The following TOM1L2 variants were observed in gnomAD, a reference collection of about 807,000 sequenced individuals.
TOM1L2 encodes TOM1-like protein 2.
A neutral mutation model predicts 67.9 loss-of-function variants in TOM1L2; 31 were observed. The ratio of observed to expected loss-of-function variants is 0.46; its 90% CI spans 0.34 to 0.62. TOM1L2 has a LOEUF of 0.62. TOM1L2 is among the 20% of genes least tolerant of loss of function. The pLI, the probability that TOM1L2 is intolerant of heterozygous loss-of-function variation, is 0.01. For synonymous variants in TOM1L2, 256 were observed against 254.0 expected (o/e 1.01, Z -0.07); for missense variants, 606 against 663.5 (o/e 0.91, Z 0.95).
At chr17:17,955,490 C>T (rs567005190) in intron 1 of TOM1L2, among the ~76,000 whole-genome samples, 2 of 152,256 alleles carry the variant, frequency 1.3e-5, no homozygotes, top group South Asian at 2.1e-4. Context: ...AGGCACACGC[C>T]ACCAAGCCCA....
At chr17:17,938,769 T>G (rs549651399) in intron 1 of TOM1L2, among the ~76,000 whole-genome samples, 64 of 151,514 alleles carry the variant, frequency 4.2e-4, no homozygotes, top group African/African-American at 1.4e-3. Context: ...TGAAAGGGTT[T>G]TTTTTTTTTT....
intron 12 of TOM1L2, chr17:17,857,875 GC>G (rs887478996): frequency 6.5e-7 from 1 of 1,532,722 alleles, no homozygotes; most frequent in African/African-American, 1.4e-5. Flanking sequence ...AAAAGTCACA[GC>G]AAGACCCATG....
chr17:17,860,420 T>G (rs1235917092), intron 12 of TOM1L2, among the ~76,000 whole-genome samples: 1 of 152,192 alleles, frequency 6.6e-6, no homozygotes, highest in Non-Finnish European at 1.5e-5. Flanking sequence ...GAGGGATGCA[T>G]GCCCTCAGAT....
chr17:17,850,850 C>T (rs1214570214), intron 13 of TOM1L2, 43 bp downstream of exon 13: 2 of 1,606,648 alleles, frequency 1.2e-6, no homozygotes, highest in Non-Finnish European at 1.7e-6. Flanking sequence ...AGAGCCTCTG[C>T]CGCTCCACAC....
chr17:17,861,924 T>C (rs141524395), intron 11 of TOM1L2: 43 of 172,132 alleles, frequency 2.5e-4, no homozygotes, highest in African/African-American at 8.3e-4. Context: ...CTTATTTTAT[T>C]AGCAGCAGCC....
chr17:17,922,073 C>T (rs1003583126), intron 1 of TOM1L2, among the ~76,000 whole-genome samples: 1 of 152,154 alleles, frequency 6.6e-6, no homozygotes, highest in Admixed American at 6.5e-5. Context: ...TGAGGCCTCT[C>T]CCTGCCAGAC....
chr17:17,923,519 AC>A (rs2039963649), intron 1 of TOM1L2, among the ~76,000 whole-genome samples: 2 of 151,548 alleles, frequency 1.3e-5, no homozygotes, highest in South Asian at 4.2e-4. Context: ...CCCTGTCTCT[AC>A]AAAAAAAAAT....
intron 1 of TOM1L2, among the ~76,000 whole-genome samples, chr17:17,960,354 C>T (rs920077883): frequency 6.6e-6 from 1 of 151,936 alleles, no homozygotes; most frequent in Admixed American, 6.6e-5. Context: ...TTTTCTGAGA[C>T]AGGGTCTCTG....
intron 1 of TOM1L2, among the ~76,000 whole-genome samples, chr17:17,963,418 T>A (rs1597478073): frequency 6.6e-6 from 1 of 152,174 alleles, no homozygotes; most frequent in East Asian, 1.9e-4. Context: ...AAAGGCAACA[T>A]GAACAAAGAA....
chr17:17,847,721 G>A lies in TOM1L2; in HGVS notation c.1438C>T (p.Pro480Ser), dbSNP rs1442039712. 6.2e-7 allele frequency: 1 copy of A among 1,614,084 alleles called. No individual in the cohort carries two copies. Among genetic ancestry groups the A allele is most frequent in the Non-Finnish European group, 8.5e-7 (1 of 1,180,014 alleles). ...AAEMVPDLPSPPMEAPAPASN... is the reference protein window; with the variant it reads ...AAEMVPDLPSSPMEAPAPASN... ...GCTGGGGCAGGAGCCTCCATGGGGG[G>A]CGAGGGGAGGTCGGGAACCATTTCA... Residue 480 changes from proline (P) to serine (S), a missense_variant, in exon 15 of 15, where the codon CCC becomes TCC. Coordinates refer to ENST00000379504, the MANE Select transcript of TOM1L2 (RefSeq NM_001082968.2).
intron 1 of TOM1L2, among the ~76,000 whole-genome samples, chr17:17,971,511 G>A (rs1371799961): frequency 6.6e-6 from 1 of 152,110 alleles, no homozygotes; most frequent in African/African-American, 2.4e-5. Context: ...GCACAGCTGA[G>A]TTGCAGCTCA....
At chr17:17,914,184 G>A (rs2039528789) in intron 1 of TOM1L2, among the ~76,000 whole-genome samples, 2 of 152,198 alleles carry the variant, frequency 1.3e-5, no homozygotes, top group South Asian at 4.1e-4. Flanking sequence ...ACAGCTGCAG[G>A]AAGAGCAGGG....
At chr17:17,926,267 A>G (rs2040080349) in intron 1 of TOM1L2, among the ~76,000 whole-genome samples, 1 of 150,574 alleles carries the variant, frequency 6.6e-6, no homozygotes, top group Non-Finnish European at 1.5e-5. Flanking sequence ...AGACTTAAGG[A>G]TAAAAGCCTG....
At chr17:17,938,924 A>T (rs1198344308) in intron 1 of TOM1L2, among the ~76,000 whole-genome samples, 1 of 152,186 alleles carries the variant, frequency 6.6e-6, no homozygotes, top group Non-Finnish European at 1.5e-5. Flanking sequence ...GGGGCCGCCC[A>T]GAGAAGCTAA....
rs535578816 is a variant in TOM1L2, at chr17:17,955,798, T to C, written c.52+16464A>G. 6.0e-4 allele frequency among the ~76,000 whole-genome samples: 91 copies of C among 152,322 alleles called. 1 individual carries two copies. The South Asian group carries it at 6.6e-3, about 11-fold the overall frequency. ...TTAAAGGCGGCGTGTCTGGGGTTTGTTCCTTCTGATGTTCAGCTGTGTTCT... is the reference window on the plus strand; with the variant it reads ...TTAAAGGCGGCGTGTCTGGGGTTTGCTCCTTCTGATGTTCAGCTGTGTTCT... On this transcript the variant is annotated intron_variant, in intron 1 of 14. Transcript: ENST00000379504.
chr17:17,861,690 A>G lies in TOM1L2; in HGVS notation c.1203-139T>C, dbSNP rs2036568395. 11 of 731,324 alleles carry G rather than the reference A, an allele frequency of 1.5e-5. No individual in the cohort carries two copies. In the Admixed American group the frequency reaches 1.7e-4, roughly 11 times the overall value. 45.3% of individuals were successfully genotyped at this position (731,324 alleles called of 1,614,324 possible). On this transcript the variant is annotated intron_variant, in intron 11 of 14. Transcript: ENST00000379504. The stretch of plus-strand genomic sequence containing the variant: ...GAAAAACATTTCCTGAAACCTTGAC[A>G]TTGAGCAGAGGCTAAGGGCTCATGT...
intron 12 of TOM1L2, chr17:17,857,729 G>T: frequency 6.7e-7 from 1 of 1,503,576 alleles, no homozygotes; most frequent in Non-Finnish European, 8.9e-7. Flanking sequence ...GGTAGGGGCT[G>T]GGGTGGACAG....
chr17:17,952,023 T>A (rs1233096430), intron 1 of TOM1L2, among the ~76,000 whole-genome samples: 1 of 152,142 alleles, frequency 6.6e-6, no homozygotes, highest in Non-Finnish European at 1.5e-5. Context: ...GAATCTAAAC[T>A]ACACAAATAT....
At chr17:17,965,770 A>G (rs2041851368) in intron 1 of TOM1L2, among the ~76,000 whole-genome samples, 1 of 152,244 alleles carries the variant, frequency 6.6e-6, no homozygotes, top group South Asian at 2.1e-4. Flanking sequence ...CAAGATGTAT[A>G]AAGTGCCCAC....
Sources: gnomAD v4.1 joint callset for allele counts (sites outside exome capture counted in the v4.1 genomes callset) on GRCh38, gnomAD v4.1.1 for gene constraint, MANE v1.5 for transcripts, NCBI Gene and HGNC (gene_info 2026-07-23, HGNC 2026-07-21) for gene names.